Variants in LRRC49 observed in about 807,000 individuals in gnomAD.
LRRC49 encodes the protein leucine-rich repeat-containing protein 49.
Under a neutral mutation model 83.3 loss-of-function variants are expected in LRRC49, and 50 were observed. The observed-to-expected ratio is 0.60, with a 90% CI of 0.48 to 0.76. The LOEUF is 0.76. Ranked by LOEUF, LRRC49 falls within the 30% of genes least tolerant of loss-of-function variation. The probability of loss-of-function intolerance (pLI) is 0.00; values close to 1 mark genes in which losing one functional copy is unlikely to be tolerated. For missense variants in LRRC49, 704 were observed against 809.1 expected (o/e 0.87, Z 1.58); for synonymous variants, 286 against 283.3 (o/e 1.01, Z -0.10).
At chr15:71,039,685 T>A (rs905093113) in intron 15 of LRRC49, among the ~76,000 whole-genome samples, 6 of 152,222 alleles carry the variant, frequency 3.9e-5, no homozygotes, top group African/African-American at 4.8e-5. Flanking sequence ...ATGTTTTCAA[T>A]CTGCAGTTGG....
chr15:70,977,532 C>T (rs565934950), intron 9 of LRRC49, among the ~76,000 whole-genome samples: 2 of 152,098 alleles, frequency 1.3e-5, no homozygotes, highest in Non-Finnish European at 2.9e-5. Flanking sequence ...GTAATCCCAG[C>T]TTCTTGGGAG....
At chr15:70,854,145 G>T in intron 1 of LRRC49, 1 of 1,185,242 alleles carries the variant, frequency 8.4e-7, no homozygotes, top group Non-Finnish European at 1.1e-6. Context: ...CAGCCAGCCG[G>T]TCGGCAGCGA....
rs571265676 is a variant in LRRC49, at chr15:71,035,912, C to A, written c.1704-1267C>A. On this transcript the variant is annotated intron_variant, in intron 14 of 15. Transcript: ENST00000260382. ...TTCTGGTTCCAGGCCTTCAAAGAAT[C>A]ATCACACTGTCTTCCACAATGGTTG... Among the ~76,000 whole-genome samples, 203 of 152,272 alleles carry A rather than the reference C, an allele frequency of 1.3e-3. 5 individuals are homozygous for A. Among genetic ancestry groups the A allele is most frequent in the Admixed American group, 0.013 (200 of 15,296 alleles).
Position 70,892,903 on chromosome 15 carries a change from C to T in LRRC49, c.9C>T (p.Pro3=), listed in dbSNP as rs140304929. MI[P]GKYRSVSGRA... ...CTGGACTGTCTCCTATCATGATTCC[C>T]GGGAAATATCGCTCTGTTTCTGGCC... The change falls in exon 1 of 16, where the codon CCC becomes CCT. Residue 3 remains proline, a synonymous_variant. Transcript: ENST00000260382. The T allele has an allele frequency of 6.2e-7, 1 of 1,614,232 alleles. No individual in the cohort carries two copies. The highest frequency in any genetic ancestry group is 1.1e-5 in the South Asian group (1 of 91,084).
chr15:70,882,399 A>G (rs1037390702), intron 2 of LRRC49: 37 of 1,327,102 alleles, frequency 2.8e-5, no homozygotes, highest in Non-Finnish European at 3.8e-5. Context: ...AGAGATAATT[A>G]TGTGAGTAAA....
At chr15:70,914,086 A>G (rs1230228505) in intron 6 of LRRC49, among the ~76,000 whole-genome samples, 1 of 151,908 alleles carries the variant, frequency 6.6e-6, no homozygotes, top group Non-Finnish European at 1.5e-5. Context: ...TAATTTGTGC[A>G]GTACAAATGT....
chr15:70,940,005 A>T (rs1163905418), intron 8 of LRRC49, among the ~76,000 whole-genome samples: 1 of 151,984 alleles, frequency 6.6e-6, no homozygotes, highest in Non-Finnish European at 1.5e-5. Context: ...AAGACAAGAT[A>T]ATCCTCCGGG....
chr15:71,012,453 T>C (rs907256281), intron 13 of LRRC49, among the ~76,000 whole-genome samples: 1 of 151,998 alleles, frequency 6.6e-6, no homozygotes, highest in African/African-American at 2.4e-5. Flanking sequence ...TACTTGGGAA[T>C]TTTTTCCTCT....
rs528727130 is a variant in LRRC49 at position 70,882,956 on chromosome 15, G to C, written c.18+9733G>C. On this transcript the variant is annotated intron_variant, in intron 2 of 16. Coordinates refer to the LRRC49 transcript ENST00000544974. The stretch of plus-strand genomic sequence containing the variant: ...AAACATATTAAAGTGTACCTTATAG[G>C]ATTTTATCTTTCAAAAGTTACAAGT... 134 of 1,594,672 alleles carry C rather than the reference G, an allele frequency of 8.4e-5. 3 individuals are homozygous for C. The South Asian group carries it at 1.5e-3, about 18-fold the overall frequency.
At chr15:70,903,597 C>T (rs2034176535) in intron 4 of LRRC49, among the ~76,000 whole-genome samples, 1 of 152,034 alleles carries the variant, frequency 6.6e-6, no homozygotes. Context: ...TAGTAACACT[C>T]TGATATATTT....
chr15:71,023,406 G>C (rs904882979), intron 14 of LRRC49, among the ~76,000 whole-genome samples: 2 of 152,168 alleles, frequency 1.3e-5, no homozygotes, highest in African/African-American at 4.8e-5. Context: ...ATAATAAATG[G>C]AAATAGGGGC....
Position 71,008,590 on chromosome 15 carries a change from C to G in LRRC49, c.1381C>G (p.Leu461Val), listed in dbSNP as rs746141869. ...FDEIVQVLPK[L>V]KIKFPNSLHL... is the part of the protein sequence containing the mutation. Reference sequence around the variant, plus strand: ...TGAAATCGTCCAAGTGCTTCCTAAACTGAAGATTAAGTTTCCTAATTCTCT... The same window carrying G: ...TGAAATCGTCCAAGTGCTTCCTAAAGTGAAGATTAAGTTTCCTAATTCTCT... Residue 461 changes from leucine to valine, a missense_variant, in exon 12 of 16, where the codon CTG (leucine) becomes GTG (valine). Leu to Val is a conservative substitution (Grantham distance 32, BLOSUM62 1). Around this residue, in one of 3 missense-constraint regions of LRRC49, gnomAD observed 275 missense variants for 338.0 expected, o/e 0.81. Coordinates refer to ENST00000260382, the MANE Select transcript of LRRC49 (RefSeq NM_017691.5). 1 of 1,611,552 alleles carries G rather than the reference C, an allele frequency of 6.2e-7. No homozygotes were observed. The highest frequency in any genetic ancestry group is 1.7e-5 in the Admixed American group (1 of 59,812).
intron 14 of LRRC49, among the ~76,000 whole-genome samples, chr15:71,031,435 C>G (rs1416317888): frequency 6.6e-6 from 1 of 152,174 alleles, no homozygotes; most frequent in South Asian, 2.1e-4. Flanking sequence ...TCTGTTGGCC[C>G]CTGTTGGGAG....
intron 14 of LRRC49, among the ~76,000 whole-genome samples, chr15:71,025,151 G>A (rs148218272): frequency 1.5e-3 from 223 of 152,214 alleles, no homozygotes; most frequent in Non-Finnish European, 2.3e-3. Flanking sequence ...AGAACTTCCC[G>A]TACCTAACAA....
rs55946096 is a variant in LRRC49, at chr15:71,007,709, G to GTATA, written c.1170-641_1170-638dup. The stretch of plus-strand genomic sequence containing the variant: ...AAATTCAGTGCAGTATGAGAAGCAT[G>GTATA]TATATATATATATATATATATATAT... On this transcript the variant is annotated intron_variant, in intron 11 of 15. Coordinates refer to ENST00000260382, the MANE Select transcript of LRRC49 (RefSeq NM_017691.5). 1.4e-3 allele frequency among the ~76,000 whole-genome samples: 197 copies of GTATA among 137,678 alleles called. 1 individual carries two copies. Among genetic ancestry groups the GTATA allele is most frequent in the African/African-American group, 3.9e-3 (144 of 36,614 alleles). 90.3% of individuals were successfully genotyped at this position (137,678 alleles called of 152,430 possible).
At chr15:70,877,803 C>T (rs1233132567) in intron 2 of LRRC49, among the ~76,000 whole-genome samples, 1 of 152,174 alleles carries the variant, frequency 6.6e-6, no homozygotes, top group Non-Finnish European at 1.5e-5. Context: ...AGGAGAGTTC[C>T]AGTTGCTATT....
At chr15:70,974,251 A>G (rs1428081281) in intron 9 of LRRC49, among the ~76,000 whole-genome samples, 1 of 152,244 alleles carries the variant, frequency 6.6e-6, no homozygotes, top group African/African-American at 2.4e-5. Context: ...TTCCTGACCT[A>G]GAAATTACAA....
chr15:70,917,934 A>G (rs912156380), intron 6 of LRRC49, among the ~76,000 whole-genome samples: 3 of 152,248 alleles, frequency 2.0e-5, no homozygotes, highest in Admixed American at 6.5e-5. Context: ...GGCAAAGAGA[A>G]GGAAACTGTG....
exon 2 of LRRC49, chr15:70,873,090 G>C (rs112268937): frequency 3.8e-6 from 3 of 783,196 alleles, no homozygotes; most frequent in African/African-American, 1.7e-5. Flanking sequence ...TCACCATCTT[G>C]GCCAGGCTGG....
Sources: allele counts gnomAD v4.1 joint callset (sites outside exome capture counted in the v4.1 genomes callset), GRCh38; gene constraint gnomAD v4.1.1; regional missense constraint gnomAD v4.1.1; transcripts MANE v1.5; gene names NCBI Gene and HGNC (gene_info 2026-07-23, HGNC 2026-07-21).